CADM2: variants seen among roughly 807,000 people sequenced by gnomAD.
CADM2 encodes the protein immunoglobulin superfamily member 4D.
A neutral mutation model predicts 49.8 loss-of-function variants in CADM2; 12 were observed. The ratio of observed to expected loss-of-function variants is 0.24; its 90% CI spans 0.15 to 0.39. The LOEUF (loss-of-function observed/expected upper bound fraction) is 0.39, where lower values mean the gene tolerates loss of function less well. CADM2 is among the 10% of genes least tolerant of loss of function. The pLI, the probability that CADM2 is intolerant of heterozygous loss-of-function variation, is 1.00. For synonymous variants in CADM2, 214 were observed against 175.4 expected, an observed-to-expected ratio of 1.22 and a Z score of -1.74; for missense variants, 378 against 492.3, an observed-to-expected ratio of 0.77 and a Z score of 2.20.
At chr3:86,046,084 A>AC (rs1736644488) in intron 8 of CADM2, among the ~76,000 whole-genome samples, 1 of 152,182 alleles carries the variant, frequency 6.6e-6, no homozygotes, top group Admixed American at 6.5e-5. Flanking sequence ...ATGTAGCTGA[A>AC]TTCAGAGAAG....
intron 1 of CADM2, among the ~76,000 whole-genome samples, chr3:85,453,664 T>A (rs1247566071): frequency 3.3e-5 from 5 of 152,160 alleles, no homozygotes; most frequent in Admixed American, 6.5e-5. Context: ...AAAATAATGG[T>A]GAATGTTTTA....
intron 2 of CADM2, among the ~76,000 whole-genome samples, chr3:85,740,836 G>C (rs1295618365): frequency 6.6e-6 from 1 of 152,150 alleles, no homozygotes; most frequent in South Asian, 2.1e-4. Flanking sequence ...TTCCGGCTGT[G>C]ATTAATTCTC....
chr3:85,663,770 CT>C, intron 1 of CADM2, among the ~76,000 whole-genome samples: 1 of 152,070 alleles, frequency 6.6e-6, no homozygotes, highest in African/African-American at 2.4e-5. Flanking sequence ...AATCCACTTC[CT>C]TTGTAGCTAC....
chr3:85,501,709 A>C (rs2107666049), intron 1 of CADM2, among the ~76,000 whole-genome samples: 1 of 152,236 alleles, frequency 6.6e-6, no homozygotes, highest in South Asian at 2.1e-4. Context: ...ATACATGTAT[A>C]TATACGCACA....
At chr3:85,829,748 A>G (rs759580325) in intron 3 of CADM2, among the ~76,000 whole-genome samples, 1 of 151,970 alleles carries the variant, frequency 6.6e-6, no homozygotes, top group Non-Finnish European at 1.5e-5. Context: ...AATTTCACAT[A>G]TAAGTGAGAT....
intron 1 of CADM2, among the ~76,000 whole-genome samples, chr3:85,572,151 G>A (rs1385169123): frequency 1.3e-5 from 2 of 152,080 alleles, no homozygotes; most frequent in Non-Finnish European, 2.9e-5. Context: ...ATAAAAATTA[G>A]CCGGGCATGG....
intron 1 of CADM2, among the ~76,000 whole-genome samples, chr3:85,639,552 A>G (rs191239522): frequency 6.6e-6 from 1 of 152,154 alleles, no homozygotes; most frequent in East Asian, 1.9e-4. Context: ...TTTTCATGGT[A>G]CCCGAATGTA....
intron 1 of CADM2, among the ~76,000 whole-genome samples, chr3:85,148,683 T>G (rs1200365854): frequency 1.3e-5 from 2 of 152,216 alleles, no homozygotes; most frequent in Non-Finnish European, 2.9e-5. Flanking sequence ...TACTGTTGAT[T>G]TGAAGCCTTA....
At chr3:85,846,107 A>G (rs750293878) in intron 3 of CADM2, among the ~76,000 whole-genome samples, 2 of 152,138 alleles carry the variant, frequency 1.3e-5, no homozygotes, top group African/African-American at 4.8e-5. Context: ...TGAATTCTGA[A>G]ATGTTATTAC....
At chr3:85,201,951 G>A (rs1576106658) in intron 1 of CADM2, among the ~76,000 whole-genome samples, 1 of 151,958 alleles carries the variant, frequency 6.6e-6, no homozygotes. Context: ...CTTGTGGTAT[G>A]TGCCTGTAGT....
rs745888889 is a variant in CADM2 at position 85,391,844 on chromosome 3, C to T, written c.62-334678C>T. ...ACCATTTGGATTAGCTGAATCAACA[C>T]GGATATTCAAAAGACTGAAGAGGTT... On this transcript the variant is annotated intron_variant, in intron 1 of 9. Transcript: ENST00000383699. Among the ~76,000 whole-genome samples the T allele has an allele frequency of 9.2e-5, 14 of 152,172 alleles. 2 individuals carry two copies. The highest frequency in any genetic ancestry group is 4.6e-4 in the Admixed American group (7 of 15,276).
At chr3:85,161,366 C>G (rs993933162) in intron 1 of CADM2, among the ~76,000 whole-genome samples, 3 of 152,098 alleles carry the variant, frequency 2.0e-5, no homozygotes, top group Non-Finnish European at 4.4e-5. Flanking sequence ...GAGATGTTCT[C>G]TCCTGTTTCT....
intron 1 of CADM2, among the ~76,000 whole-genome samples, chr3:85,446,541 T>C (rs1225327505): frequency 2.0e-5 from 3 of 151,816 alleles, no homozygotes; most frequent in Non-Finnish European, 4.4e-5. Flanking sequence ...CATTTGAAGA[T>C]AAGGATAAAA....
At chr3:85,452,405 G>A (rs781323080) in intron 1 of CADM2, among the ~76,000 whole-genome samples, 1 of 152,110 alleles carries the variant, frequency 6.6e-6, no homozygotes, top group African/African-American at 2.4e-5. Flanking sequence ...AGAAGGAATA[G>A]TCTGCCTTGA....
intron 1 of CADM2, among the ~76,000 whole-genome samples, chr3:85,071,951 T>C (rs1451193344): frequency 2.0e-5 from 3 of 150,762 alleles, no homozygotes; most frequent in Non-Finnish European, 4.4e-5. Context: ...TATATTTTCT[T>C]CTATATAATA....
At chr3:85,889,665 G>A (rs969095496) in intron 5 of CADM2, among the ~76,000 whole-genome samples, 12 of 152,046 alleles carry the variant, frequency 7.9e-5, no homozygotes, top group Non-Finnish European at 1.3e-4. Context: ...TGTATGAAGT[G>A]TTTTCAGAGT....
intron 1 of CADM2, among the ~76,000 whole-genome samples, chr3:85,184,208 T>C (rs1005432668): frequency 9.2e-5 from 14 of 152,134 alleles, no homozygotes; most frequent in African/African-American, 3.4e-4. Context: ...TGAGAGATTA[T>C]GTGACCTTTG....
At chr3:85,410,649 C>A (rs191029750) in intron 1 of CADM2, among the ~76,000 whole-genome samples, 1 of 152,156 alleles carries the variant, frequency 6.6e-6, no homozygotes, top group Non-Finnish European at 1.5e-5. Flanking sequence ...AAGAGTTAAA[C>A]TCCTTTTAGA....
chr3:85,608,655 G>C (rs1465818051), intron 1 of CADM2, among the ~76,000 whole-genome samples: 1 of 152,136 alleles, frequency 6.6e-6, no homozygotes, highest in African/African-American at 2.4e-5. Flanking sequence ...TATTATTTAA[G>C]AGACTTCAAG....
Sources: allele counts gnomAD v4.1 joint callset (sites outside exome capture counted in the v4.1 genomes callset), GRCh38; gene constraint gnomAD v4.1.1; transcripts MANE v1.5; gene names NCBI Gene and HGNC (gene_info 2026-07-23, HGNC 2026-07-21).